The following C2orf74 variants were observed in gnomAD, a reference collection of about 807,000 sequenced individuals.
C2orf74 encodes DPM1 ER membrane anchor 1, also known as uncharacterized protein C2orf74.
In C2orf74, 14 loss-of-function variants were observed where a neutral mutation model predicts 17.9. The ratio of observed to expected loss-of-function variants is 0.78; its 90% CI spans 0.52 to 1.22. The LOEUF (loss-of-function observed/expected upper bound fraction) is 1.22, where lower values mean the gene tolerates loss of function less well. C2orf74 is among the 50% of genes most tolerant of loss of function. The pLI, the probability that C2orf74 is intolerant of heterozygous loss-of-function variation, is 0.00. For missense variants in C2orf74, 217 were observed against 218.4 expected (o/e 0.99, Z 0.04); for synonymous variants, 79 against 72.6 (o/e 1.09, Z -0.44).
Position 61,162,609 on chromosome 2 carries a change from G to C in C2orf74, c.95G>C (p.Cys32Ser). 6.7e-7 allele frequency: 1 copy of C among 1,491,372 alleles called. No individual in the cohort carries two copies. Among genetic ancestry groups the C allele is most frequent in the East Asian group, 2.5e-5 (1 of 40,766 alleles). The allele number at this position is 1,491,372 out of a possible 1,614,324, so 92.4% of individuals were successfully genotyped here. A position where few individuals can be genotyped will look rare whatever the true frequency, so the allele number is the denominator to read the frequency against. The change falls in exon 2 of 5, where the codon TGT becomes TCT. Residue 32 changes from cysteine to serine, a missense_variant and splice_region_variant. By Grantham distance (112) the Cys-to-Ser change is moderately radical (BLOSUM62 -1). Transcript: ENST00000432605. ...TTATTGGTGGTTTTTTTATATAAAT[G>C]GTATAAATCCATGCTGATAATTGGG... ...LLLLVVFLYKCFQGRKGKETK... is the reference protein window; with the variant it reads ...LLLLVVFLYKSFQGRKGKETK...
intron 4 of C2orf74, among the ~76,000 whole-genome samples, chr2:61,163,725 G>C (rs1380357531): frequency 6.6e-6 from 1 of 152,080 alleles, no homozygotes; most frequent in East Asian, 1.9e-4. Flanking sequence ...TTGCTTATCA[G>C]TTCGTGTTAC....
exon 1 of C2orf74, chr2:61,145,126 A>G (rs986778861): frequency 6.6e-6 from 1 of 152,324 alleles, no homozygotes; most frequent in African/African-American, 2.4e-5. Flanking sequence ...AGATCCGAGG[A>G]CATGTTGACG....
chr2:61,153,149 C>CAAAAAAA (rs1166347493), intron 1 of C2orf74, among the ~76,000 whole-genome samples: 1 of 56,216 alleles, frequency 1.8e-5, no homozygotes. Flanking sequence ...ACTCCGTCTC[C>CAAAAAAA]AAAAAAAAAA....
upstream of C2orf74, among the ~76,000 whole-genome samples, chr2:61,158,464 A>G (rs1685463601): frequency 6.6e-6 from 1 of 152,124 alleles, no homozygotes; most frequent in Non-Finnish European, 1.5e-5. Flanking sequence ...TCAAGTGAGA[A>G]CTCAGAAAAA....
intron 4 of C2orf74, among the ~76,000 whole-genome samples, chr2:61,163,962 T>G (rs953206279): frequency 1.3e-5 from 2 of 152,186 alleles, no homozygotes; most frequent in Admixed American, 1.3e-4. Flanking sequence ...CAGCCCCCTG[T>G]GCTAGCTCCA....
chr2:61,160,560 G>A (rs1685535600), upstream of C2orf74, among the ~76,000 whole-genome samples: 1 of 151,556 alleles, frequency 6.6e-6, no homozygotes, highest in African/African-American at 2.4e-5. Context: ...CCAGGCTGGA[G>A]TGCAATGGCA....
upstream of C2orf74, among the ~76,000 whole-genome samples, chr2:61,160,513 C>CT (rs111229188): frequency 0.015 from 2,196 of 144,350 alleles, 17 homozygotes; most frequent in Non-Finnish European, 0.021. Flanking sequence ...GTATATACCA[C>CT]TTTTTTTTTT....
chr2:61,155,582 G>A (rs1235787267), intron 1 of C2orf74, among the ~76,000 whole-genome samples: 3 of 152,030 alleles, frequency 2.0e-5, no homozygotes, highest in South Asian at 4.2e-4. Flanking sequence ...GTGCAGTGGC[G>A]CGATCTCGGC....
intron 1 of C2orf74, among the ~76,000 whole-genome samples, chr2:61,148,875 C>A (rs72811410): frequency 0.14 from 20,747 of 152,166 alleles, 1,922 homozygotes; most frequent in South Asian, 0.35. Flanking sequence ...CAACACCACA[C>A]CCCGCTAAGT....
rs931228013 is a variant in C2orf74, at chr2:61,162,575, A to G, written c.61A>G (p.Ile21Val). ...CATCCTTCTAATTTGCCTCATTTGC[A>G]TCCTCCTCTTATTGGTGGTTTTTTT... ...FIILLICLIC[I>V]LLLLVVFLYK... The change falls in exon 2 of 5, where the codon ATC becomes GTC. Residue 21 changes from isoleucine to valine, a missense_variant. Ile to Val is a conservative substitution (Grantham distance 29, BLOSUM62 3). Transcript: ENST00000432605. 3.2e-6 allele frequency: 5 copies of G among 1,551,010 alleles called. No homozygotes were observed. In the African/African-American group the frequency reaches 5.5e-5, roughly 17 times the overall value.
At chr2:61,156,804 G>A (rs558161514) in intron 1 of C2orf74, among the ~76,000 whole-genome samples, 22 of 152,302 alleles carry the variant, frequency 1.4e-4, no homozygotes, top group African/African-American at 5.3e-4. Flanking sequence ...AGGATTGCTT[G>A]AGCCCAGGAG....
chr2:61,159,069 T>C (rs955766454), upstream of C2orf74, among the ~76,000 whole-genome samples: 1 of 152,166 alleles, frequency 6.6e-6, no homozygotes, highest in African/African-American at 2.4e-5. Context: ...CAATCTCAGC[T>C]CACTGCAACC....
intron 1 of C2orf74, among the ~76,000 whole-genome samples, chr2:61,149,291 G>A (rs576097756): frequency 6.6e-6 from 1 of 152,242 alleles, no homozygotes; most frequent in South Asian, 2.1e-4. Context: ...TAGGAGGAAG[G>A]GTGTTTCAGG....
intron 4 of C2orf74, among the ~76,000 whole-genome samples, chr2:61,163,626 T>A (rs1481708411): frequency 6.6e-6 from 1 of 151,162 alleles, no homozygotes; most frequent in African/African-American, 2.4e-5. Flanking sequence ...TAATAATAAA[T>A]AATAATAATA....
chr2:61,157,401 G>A (rs1685424121), upstream of C2orf74, among the ~76,000 whole-genome samples: 2 of 152,116 alleles, frequency 1.3e-5, no homozygotes. Context: ...TGGGTGCTAT[G>A]CCTCTTGTAT....
In C2orf74 at chr2:61,162,950, T is replaced by C. The variant is rs771748962; in HGVS notation, c.204T>C (p.His68=). The change falls in exon 3 of 5, where the codon CAT becomes CAC. Residue 68 remains histidine, a synonymous_variant. Coordinates refer to ENST00000432605, the MANE Select transcript of C2orf74 (RefSeq NM_001143959.4). ...TGGTGACAAGCAATCCAGAGGACCATGAAAGGCGAGTGTGGTGCAGGATGT... is the reference window on the plus strand; with the variant it reads ...TGGTGACAAGCAATCCAGAGGACCACGAAAGGCGAGTGTGGTGCAGGATGT... The part of the protein sequence containing the change: ...AKVVTSNPED[H]ERILMQVMNL... 5.2e-6 allele frequency: 8 copies of C among 1,552,398 alleles called. No individual in the cohort carries two copies. In the Admixed American group the frequency reaches 7.8e-5, roughly 15 times the overall value.
chr2:61,156,555 A>G (rs1035833170), intron 1 of C2orf74, among the ~76,000 whole-genome samples: 19 of 152,076 alleles, frequency 1.2e-4, no homozygotes, highest in African/African-American at 4.3e-4. Context: ...ATGTCCATCA[A>G]TGCTATTAAT....
chr2:61,162,781 A>C lies in C2orf74; in HGVS notation c.96-61A>C, dbSNP rs1490992649. 2.9e-6 allele frequency: 4 copies of C among 1,374,558 alleles called. No individual in the cohort carries two copies. The African/African-American group carries it at 5.8e-5, about 20-fold the overall frequency. The allele number at this position is 1,374,558 out of a possible 1,614,324, so 85.1% of individuals were successfully genotyped here. On this transcript the variant is annotated intron_variant, in intron 2 of 4. Coordinates refer to ENST00000432605, the MANE Select transcript of C2orf74 (RefSeq NM_001143959.4). ...TCCTGTTTAAACGTGAAGTTTCTATACCACACCTTAAAATCAGGGCCATTC... is the reference window on the plus strand; with the variant it reads ...TCCTGTTTAAACGTGAAGTTTCTATCCCACACCTTAAAATCAGGGCCATTC...
upstream of C2orf74, among the ~76,000 whole-genome samples, chr2:61,160,256 G>A (rs1281637805): frequency 6.6e-6 from 1 of 152,038 alleles, no homozygotes; most frequent in Non-Finnish European, 1.5e-5. Flanking sequence ...CGCCTCCTGG[G>A]TTCAAGCAAT....
Sources: gnomAD v4.1 joint callset for allele counts (sites outside exome capture counted in the v4.1 genomes callset) on GRCh38, gnomAD v4.1.1 for gene constraint, MANE v1.5 for transcripts, NCBI Gene and HGNC (gene_info 2026-07-23, HGNC 2026-07-21) for gene names.